NKAIN1: variants seen among roughly 807,000 people sequenced by gnomAD.
NKAIN1 encodes the protein sodium/potassium transporting ATPase interacting 1.
In NKAIN1, 13 loss-of-function variants were observed where a neutral mutation model predicts 31.6. That is an observed-to-expected ratio of 0.41 (90% confidence interval 0.27 to 0.65). The LOEUF is 0.65. NKAIN1 is among the 30% of genes least tolerant of loss of function. NKAIN1 has a pLI of 0.30. For synonymous variants in NKAIN1, 104 were observed against 109.0 expected (o/e 0.95, Z 0.28); for missense variants, 193 against 262.2 (o/e 0.74, Z 1.82).
At chr1:31,237,585 C>T (rs560242087) in intron 1 of NKAIN1, among the ~76,000 whole-genome samples, 4 of 151,972 alleles carry the variant, frequency 2.6e-5, no homozygotes, top group South Asian at 4.2e-4. Context: ...CTGTAACCTC[C>T]GCCTCCTGGG....
intron 1 of NKAIN1, among the ~76,000 whole-genome samples, chr1:31,199,224 G>A (rs1008304213): frequency 6.6e-6 from 1 of 152,184 alleles, no homozygotes. Context: ...GGAGGCCTGA[G>A]TTCCAGCCCC....
intron 1 of NKAIN1, among the ~76,000 whole-genome samples, chr1:31,213,364 C>G (rs12727962): frequency 0.02 from 3,119 of 152,216 alleles, 35 homozygotes; most frequent in Middle Eastern, 0.061. Flanking sequence ...TTGGGAAATG[C>G]AAATCAAAAG....
rs1557647440 is a variant in NKAIN1, at chr1:31,181,502, G to A, written c.*201C>T. 1 of 409,164 alleles carries A rather than the reference G, an allele frequency of 2.4e-6. No homozygotes were observed. The highest frequency in any genetic ancestry group is 6.6e-4 in the Middle Eastern group (1 of 1,510). The allele number at this position is 409,164 out of a possible 1,614,324, so 25.3% of individuals were successfully genotyped here. A position where few individuals can be genotyped will look rare whatever the true frequency, so the allele number is the denominator to read the frequency against. ...GCCCCGCCCCACTCCTCCGAAGTCC[G>A]GGCTGCGAAGAGCCAAGCTCAAATC... On this transcript the variant is annotated 3_prime_UTR_variant, in exon 7 of 7. Transcript: ENST00000373736.
chr1:31,212,529 A>G (rs1488038101), intron 1 of NKAIN1, among the ~76,000 whole-genome samples: 1 of 151,946 alleles, frequency 6.6e-6, no homozygotes, highest in African/African-American at 2.4e-5. Flanking sequence ...CTCAGACTCT[A>G]GAGTGGCTGG....
At chr1:31,206,982 G>C (rs11805687) in intron 1 of NKAIN1, among the ~76,000 whole-genome samples, 84,418 of 152,018 alleles carry the variant, frequency 0.56, 27,876 homozygotes, top group Middle Eastern at 0.83. Flanking sequence ...TGATCCGCAC[G>C]CCTCAGCCTC....
intron 1 of NKAIN1, among the ~76,000 whole-genome samples, chr1:31,198,265 G>C (rs1396095146): frequency 1.3e-5 from 2 of 152,124 alleles, no homozygotes; most frequent in African/African-American, 4.8e-5. Flanking sequence ...TACATCCCAG[G>C]CCCTCTTCAT....
intron 1 of NKAIN1, among the ~76,000 whole-genome samples, chr1:31,204,778 G>A (rs1313452292): frequency 6.6e-6 from 1 of 152,214 alleles, no homozygotes; most frequent in Non-Finnish European, 1.5e-5. Context: ...GGGCACTTAG[G>A]TAGAGAGAAT....
intron 1 of NKAIN1, among the ~76,000 whole-genome samples, chr1:31,236,276 C>T (rs1645691621): frequency 6.6e-6 from 1 of 152,188 alleles, no homozygotes; most frequent in African/African-American, 2.4e-5. Flanking sequence ...TTCCCTTAAA[C>T]CCCATGGCAC....
chr1:31,216,545 G>T (rs1293468589), intron 1 of NKAIN1, among the ~76,000 whole-genome samples: 1 of 152,142 alleles, frequency 6.6e-6, no homozygotes, highest in Non-Finnish European at 1.5e-5. Context: ...GGCAGATTAA[G>T]ATTTGGACCA....
In NKAIN1 at chr1:31,181,871, C is replaced by T. The variant is rs956892406; in HGVS notation, c.603G>A (p.Gln201=). ...APQKTSHLQL[Q]PLYTSG Reference sequence around the variant, plus strand: ...GGGCCGTGACCCACGTGTACAGAGGCTGCAGCTGTAAATGCGACGTCTTCT... The same window carrying T: ...GGGCCGTGACCCACGTGTACAGAGGTTGCAGCTGTAAATGCGACGTCTTCT... The change falls in exon 6 of 7, where the codon CAG becomes CAA. Residue 201 remains glutamine (Q), a synonymous_variant. Coordinates refer to ENST00000373736, the MANE Select transcript of NKAIN1 (RefSeq NM_024522.3). The T allele has an allele frequency of 2.5e-6, 4 of 1,607,510 alleles. No homozygotes were observed. In the African/African-American group the frequency reaches 5.3e-5, roughly 21 times the overall value.
chr1:31,213,423 T>A (rs970710599), intron 1 of NKAIN1, among the ~76,000 whole-genome samples: 9 of 93,732 alleles, frequency 9.6e-5, no homozygotes, highest in Admixed American at 3.1e-4. Flanking sequence ...AAAAGGCAGA[T>A]AATAACAAGT....
chr1:31,197,104 C>CTT (rs922550782), intron 1 of NKAIN1, among the ~76,000 whole-genome samples: 31 of 134,558 alleles, frequency 2.3e-4, no homozygotes, highest in Middle Eastern at 4.0e-3. Context: ...TGGATTTTTA[C>CTT]TTTTTTTTTT....
intron 1 of NKAIN1, among the ~76,000 whole-genome samples, chr1:31,226,353 T>C (rs768308403): frequency 1.1e-4 from 17 of 151,124 alleles, no homozygotes; most frequent in Non-Finnish European, 1.9e-4. Context: ...CCACTTCTAG[T>C]GACCAAGGTG....
chr1:31,225,912 T>C (rs1645600558), intron 1 of NKAIN1, among the ~76,000 whole-genome samples: 1 of 152,136 alleles, frequency 6.6e-6, no homozygotes, highest in Admixed American at 6.6e-5. Flanking sequence ...GGACACTGGG[T>C]GGGGAGGAGC....
At chr1:31,189,140 G>A (rs909450485) in intron 1 of NKAIN1, among the ~76,000 whole-genome samples, 6 of 151,978 alleles carry the variant, frequency 3.9e-5, no homozygotes, top group Non-Finnish European at 8.8e-5. Flanking sequence ...ACGGGGAGGA[G>A]AGCGAAGGCA....
intron 4 of NKAIN1, 113 bp from the exon 5 acceptor site, chr1:31,182,703 A>G (rs1645212871): frequency 3.8e-6 from 4 of 1,057,960 alleles, no homozygotes; most frequent in African/African-American, 1.6e-5. Context: ...GCCAGGATGA[A>G]GGCAAACCGT....
At chr1:31,222,194 G>A (rs1645570117) in intron 1 of NKAIN1, among the ~76,000 whole-genome samples, 1 of 152,198 alleles carries the variant, frequency 6.6e-6, no homozygotes, top group Admixed American at 6.5e-5. Context: ...ATTTTATTAA[G>A]ATTGCTTGCG....
intron 1 of NKAIN1, among the ~76,000 whole-genome samples, chr1:31,234,151 T>G (rs914168733): frequency 6.6e-6 from 1 of 151,902 alleles, no homozygotes; most frequent in Non-Finnish European, 1.5e-5. Flanking sequence ...CAAAAGGGAG[T>G]TGATCATCCC....
intron 1 of NKAIN1, among the ~76,000 whole-genome samples, chr1:31,199,634 C>T (rs763436681): frequency 1.8e-4 from 27 of 152,244 alleles, no homozygotes; most frequent in Non-Finnish European, 3.4e-4. Context: ...CTCCCTCTCC[C>T]CATCTCCGGG....
Sources: gnomAD v4.1 joint callset for allele counts (sites outside exome capture counted in the v4.1 genomes callset) on GRCh38, gnomAD v4.1.1 for gene constraint, MANE v1.5 for transcripts, NCBI Gene and HGNC (gene_info 2026-07-23, HGNC 2026-07-21) for gene names.